The following SMG1 variants were observed in gnomAD, a reference collection of about 807,000 sequenced individuals.
The protein encoded by SMG1 is SMG1 nonsense mediated mRNA decay associated PI3K related kinase.
A neutral mutation model predicts 419.9 loss-of-function variants in SMG1; 22 were observed. The ratio of observed to expected loss-of-function variants is 0.05; its 90% CI spans 0.04 to 0.07. SMG1 has a LOEUF of 0.07. SMG1 is among the 10% of genes least tolerant of loss of function. SMG1 has a pLI of 1.00. For synonymous variants in SMG1, 1,538 were observed against 1,553.5 expected (o/e 0.99, Z 0.23); for missense variants, 3,185 against 4,342.0 (o/e 0.73, Z 7.49).
At chr16:18,821,252 C>CTTTT (rs1201180176) in intron 55 of SMG1, among the ~76,000 whole-genome samples, 1 of 26,666 alleles carries the variant, frequency 3.8e-5, no homozygotes, top group Non-Finnish European at 7.6e-5. Flanking sequence ...TTTTTTTTTT[C>CTTTT]TTTTTTTTTT....
intron 1 of SMG1, among the ~76,000 whole-genome samples, chr16:18,910,249 G>A (rs866262077): frequency 4.3e-5 from 3 of 69,156 alleles, no homozygotes; most frequent in African/African-American, 1.7e-4. Context: ...TTTTTTTTTT[G>A]AGACAGAGTC....
chr16:18,875,592 CAAAA>C (rs34136187), intron 13 of SMG1: 2 of 127,524 alleles, frequency 1.6e-5, no homozygotes, highest in Non-Finnish European at 1.7e-5. Flanking sequence ...ACCCCATCTC[CAAAA>C]AAAAAAAAAA....
chr16:18,847,731 A>G (rs928611765), intron 37 of SMG1, 85 bp downstream of exon 37: 157 of 1,568,300 alleles, frequency 1.0e-4, no homozygotes, highest in Non-Finnish European at 1.2e-4. Context: ...GAGAACCCTG[A>G]CCAGTGATTG....
At position 18,872,615 on chromosome 16, in the gene SMG1, G is replaced by A; in HGVS notation, c.1900C>T (p.Leu634=). Residue 634 remains leucine, a synonymous_variant, in exon 14 of 63, where the codon CTA becomes TTA. Coordinates refer to ENST00000446231, the MANE Select transcript of SMG1 (RefSeq NM_015092.5). The part of the protein sequence containing the change: ...AKNSLIGMWA[L]SPTVFALLSK... ...AGAAGTGCAAAGACAGTTGGAGATA[G>A]CGCCCACATCTGATCATGTACAAAA... The A allele has an allele frequency of 2.1e-6, 3 of 1,447,554 alleles. No individual in the cohort carries two copies. Among genetic ancestry groups the A allele is most frequent in the Non-Finnish European group, 2.8e-6 (3 of 1,088,418 alleles). The allele number at this position is 1,447,554 out of a possible 1,614,324, so 89.7% of individuals were successfully genotyped here. A position where few individuals can be genotyped will look rare whatever the true frequency, so the allele number is the denominator to read the frequency against.
At chr16:18,871,933 T>C (rs912806765) in intron 15 of SMG1, among the ~76,000 whole-genome samples, 10 of 151,882 alleles carry the variant, frequency 6.6e-5, no homozygotes, top group Non-Finnish European at 1.2e-4. Context: ...AAAATCTATA[T>C]ATATTCTTCT....
intron 25 of SMG1, chr16:18,861,332 C>A (rs2035207786): frequency 6.6e-6 from 1 of 152,524 alleles, no homozygotes; most frequent in Non-Finnish European, 1.5e-5. Context: ...AATAATGACA[C>A]CTCTGAAATT....
At chr16:18,868,932 A>G (rs1201930876) in intron 20 of SMG1, among the ~76,000 whole-genome samples, 172 bp downstream of exon 20, 3 of 152,234 alleles carry the variant, frequency 2.0e-5, no homozygotes, top group African/African-American at 7.2e-5. Context: ...AAAAAAAAAC[A>G]TATTTCCAAT....
chr16:18,812,123 G>A lies in SMG1; in HGVS notation c.10626C>T (p.Val3542=), dbSNP rs2031466629. 3.1e-6 allele frequency: 5 copies of A among 1,610,654 alleles called. No individual in the cohort carries two copies. In the East Asian group the frequency reaches 1.1e-4, roughly 36 times the overall value. ...ATYQPSFAAA[V]RSNTGQKTQP... ...GAGTCTTCTGGCCAGTGTTACTCCG[G>A]ACTGCTACAGAGAAAGAGTTGGTGG... is the stretch of plus-strand genomic sequence containing the variant. The change falls in exon 61 of 63, where the codon GTC becomes GTT. Residue 3542 remains valine (V), a synonymous_variant. Transcript: ENST00000446231.
In SMG1 at chr16:18,809,663, G is replaced by A. The variant is rs758363418; in HGVS notation, c.10909-17C>T. 7 of 1,566,208 alleles carry A rather than the reference G, an allele frequency of 4.5e-6. No individual in the cohort carries two copies. The African/African-American group carries it at 5.4e-5, about 12-fold the overall frequency. Reference sequence around the variant, plus strand: ...ATAGTCAACCTGTAAAAATAGGCAGGATAGTATGTAAAGTCATTTAAAGCT... The same window carrying A: ...ATAGTCAACCTGTAAAAATAGGCAGAATAGTATGTAAAGTCATTTAAAGCT... On this transcript the variant is annotated splice_polypyrimidine_tract_variant and intron_variant, in intron 62 of 62. Transcript: ENST00000446231.
rs1230558729 is a variant in SMG1, at chr16:18,842,462, C to T, written c.6220-8G>A. ...TTGCAAACTTAGCATTATCTATATT[C>T]ATAAGATGGGAGAAACAAATTTACA... On this transcript the variant is annotated splice_region_variant and splice_polypyrimidine_tract_variant and intron_variant, in intron 39 of 62. Transcript: ENST00000446231. The T allele has an allele frequency of 1.2e-6, 2 of 1,609,266 alleles. No individual in the cohort carries two copies. Among genetic ancestry groups the T allele is most frequent in the East Asian group, 2.2e-5 (1 of 44,768 alleles).
chr16:18,846,854 C>T (rs1271866272), intron 38 of SMG1, among the ~76,000 whole-genome samples: 3 of 152,112 alleles, frequency 2.0e-5, no homozygotes, highest in Non-Finnish European at 2.9e-5. Context: ...TATTGCCATA[C>T]GATTCAGCAA....
At chr16:18,833,863 G>T (rs2033374463) in intron 50 of SMG1, among the ~76,000 whole-genome samples, 1 of 152,094 alleles carries the variant, frequency 6.6e-6, no homozygotes, top group Non-Finnish European at 1.5e-5. Flanking sequence ...CATAATTATT[G>T]TAAGTCATAC....
rs553273680 is a variant in SMG1 at position 18,908,867 on chromosome 16, G to A, written c.93-11911C>T. On this transcript the variant is annotated intron_variant, in intron 1 of 62. Coordinates refer to ENST00000446231, the MANE Select transcript of SMG1 (RefSeq NM_015092.5). ...TGCACTCCAACCTGGGTGACACAGC[G>A]AGACTCCGCCTCAAAAAAAAAAAAA... Among the ~76,000 whole-genome samples the A allele has an allele frequency of 2.4e-3, 364 of 150,198 alleles. 5 individuals are homozygous for A. The highest frequency in any genetic ancestry group is 7.7e-3 in the African/African-American group (314 of 40,822).
chr16:18,819,139 C>A (rs117220404), intron 56 of SMG1, among the ~76,000 whole-genome samples: 86 of 152,306 alleles, frequency 5.6e-4, no homozygotes, highest in Admixed American at 9.2e-4. Context: ...GGTCTTAAGA[C>A]GTTTTATTGT....
chr16:18,908,905 A>T (rs187024883), intron 1 of SMG1, among the ~76,000 whole-genome samples: 130 of 152,248 alleles, frequency 8.5e-4, no homozygotes, highest in Non-Finnish European at 1.4e-3. Context: ...AAATGTATGC[A>T]ACCATTTTTT....
At position 18,830,362 on chromosome 16, in the gene SMG1, G is replaced by A. The variant is rs2033084406; in HGVS notation, c.8800C>T (p.His2934Tyr). The change falls in exon 52 of 63, where the codon CAT (histidine) becomes TAT (tyrosine). Residue 2934 changes from histidine (H) to tyrosine (Y), a missense_variant. This residue lies in a region of SMG1 where 737 missense variants were observed against 846.6 expected (regional missense o/e 0.87). Transcript: ENST00000446231. ...TGGATTAATTCACCGTACTGAGCAT[G>A]TAGTAGTCTACAGAAAAACAAAAGG... The part of the protein sequence containing the change: ...AHYIDVARLL[H>Y]AQYGELIQPR... 4 of 1,613,728 alleles carry A rather than the reference G, an allele frequency of 2.5e-6. No homozygotes were observed. The highest frequency in any genetic ancestry group is 1.7e-5 in the Admixed American group (1 of 59,958).
intron 1 of SMG1, among the ~76,000 whole-genome samples, chr16:18,900,255 A>T (rs1385956569): frequency 1.3e-5 from 2 of 152,248 alleles, no homozygotes; most frequent in Non-Finnish European, 2.9e-5. Context: ...AAATTTTAGT[A>T]CATAAGAGAA....
At chr16:18,872,708 A>G in intron 13 of SMG1, 84 bp from the exon 14 acceptor site, 1 of 1,181,294 alleles carries the variant, frequency 8.5e-7, no homozygotes, top group Non-Finnish European at 1.2e-6. Context: ...AAATAGGGGT[A>G]TCTGGACATT....
At chr16:18,908,878 T>C (rs2037684338) in intron 1 of SMG1, among the ~76,000 whole-genome samples, 1 of 143,942 alleles carries the variant, frequency 6.9e-6, no homozygotes, top group African/African-American at 2.6e-5. Context: ...AGACTCCGCC[T>C]CAAAAAAAAA....
Sources: gnomAD v4.1 joint callset for allele counts (sites outside exome capture counted in the v4.1 genomes callset) on GRCh38, gnomAD v4.1.1 for gene constraint, gnomAD v4.1.1 regional missense constraint, MANE v1.5 for transcripts, NCBI Gene and HGNC (gene_info 2026-07-23, HGNC 2026-07-21) for gene names.